EDIL3: variants seen among roughly 807,000 people sequenced by gnomAD.
The protein encoded by EDIL3 is EGF like and discoidin domains 3.
A neutral mutation model predicts 67.4 loss-of-function variants in EDIL3; 37 were observed. The ratio of observed to expected loss-of-function variants is 0.55; its 90% confidence interval spans 0.42 to 0.72. The LOEUF is 0.72. Ranked by LOEUF, EDIL3 falls within the 30% of genes least tolerant of loss-of-function variation. The probability of loss-of-function intolerance (pLI) is 0.00; values close to 1 mark genes in which losing one functional copy is unlikely to be tolerated. For synonymous variants in EDIL3, 195 were observed against 196.3 expected (o/e 0.99, Z 0.05); for missense variants, 527 against 586.3 (o/e 0.90, Z 1.04).
intron 1 of EDIL3, among the ~76,000 whole-genome samples, chr5:84,291,540 G>A (rs574472182): frequency 2.7e-4 from 41 of 151,544 alleles, no homozygotes; most frequent in African/African-American, 9.2e-4. Flanking sequence ...ATAACAAACC[G>A]AATAGAATTT....
At chr5:84,162,628 A>T (rs1748633307) in intron 4 of EDIL3, among the ~76,000 whole-genome samples, 1 of 151,852 alleles carries the variant, frequency 6.6e-6, no homozygotes, top group Non-Finnish European at 1.5e-5. Flanking sequence ...TGTGCCCTGG[A>T]TCCCCTTGGA....
At chr5:84,331,726 A>G (rs1283467762) in intron 1 of EDIL3, among the ~76,000 whole-genome samples, 1 of 152,178 alleles carries the variant, frequency 6.6e-6, no homozygotes, top group Non-Finnish European at 1.5e-5. Flanking sequence ...TTATATGAAT[A>G]TTTAAATGTT....
intron 1 of EDIL3, among the ~76,000 whole-genome samples, chr5:84,381,971 G>C (rs552169562): frequency 1.3e-5 from 2 of 152,266 alleles, no homozygotes; most frequent in South Asian, 4.1e-4. Flanking sequence ...TAATGATTGG[G>C]GGCGGGAAGG....
intron 1 of EDIL3, among the ~76,000 whole-genome samples, chr5:84,373,319 A>C (rs554626152): frequency 6.6e-6 from 1 of 152,184 alleles, no homozygotes; most frequent in East Asian, 1.9e-4. Flanking sequence ...TCTTCCAATC[A>C]TCATGTCTTC....
intron 6 of EDIL3, among the ~76,000 whole-genome samples, chr5:84,081,438 T>A (rs1746965856): frequency 6.6e-6 from 1 of 152,320 alleles, no homozygotes; most frequent in African/African-American, 2.4e-5. Context: ...GCAAACGATG[T>A]CAGCACATGA....
At chr5:84,268,845 C>T (rs1039485368) in intron 1 of EDIL3, among the ~76,000 whole-genome samples, 2 of 152,072 alleles carry the variant, frequency 1.3e-5, no homozygotes, top group African/African-American at 4.8e-5. Context: ...TCAGATAATG[C>T]AGTAATAGGG....
intron 9 of EDIL3, among the ~76,000 whole-genome samples, chr5:83,973,019 T>C (rs1188510183): frequency 6.6e-6 from 1 of 152,024 alleles, no homozygotes; most frequent in Non-Finnish European, 1.5e-5. Flanking sequence ...TAAAGCATAT[T>C]TGAAGAAAAA....
intron 9 of EDIL3, among the ~76,000 whole-genome samples, chr5:84,025,539 T>G (rs1745795832): frequency 6.6e-6 from 1 of 152,112 alleles, no homozygotes; most frequent in Admixed American, 6.6e-5. Flanking sequence ...TAGTGCAAAA[T>G]AAATGTAATG....
intron 9 of EDIL3, among the ~76,000 whole-genome samples, chr5:83,973,819 T>C (rs971250199): frequency 6.6e-6 from 1 of 152,030 alleles, no homozygotes; most frequent in Non-Finnish European, 1.5e-5. Flanking sequence ...GGTGCAAAAG[T>C]AATTGTGGTT....
rs558494314 is a variant in EDIL3 at position 84,074,041 on chromosome 5, C to T, written c.652-7435G>A. ...CAGAACAGAGCCCTCAGAAATAATG[C>T]CGCATATCTACAACTATCTGATCTT... On this transcript the variant is annotated intron_variant, in intron 6 of 10. Transcript: ENST00000296591. Among the ~76,000 whole-genome samples the T allele has an allele frequency of 5.2e-3, 790 of 152,004 alleles. 5 individuals are homozygous for T. Among genetic ancestry groups the T allele is most frequent in the African/African-American group, 0.018 (737 of 41,422 alleles).
intron 3 of EDIL3, among the ~76,000 whole-genome samples, chr5:84,192,574 T>C (rs969430929): frequency 6.6e-6 from 1 of 152,006 alleles, no homozygotes; most frequent in Admixed American, 6.6e-5. Flanking sequence ...TTTTATTCCC[T>C]TCACAAGTTT....
chr5:84,212,243 T>C (rs1051164371), intron 3 of EDIL3, among the ~76,000 whole-genome samples: 8 of 152,032 alleles, frequency 5.3e-5, no homozygotes, highest in African/African-American at 1.9e-4. Flanking sequence ...AGATGGGCCC[T>C]AAATCCCATA....
At chr5:84,008,773 G>A (rs1375488671) in intron 9 of EDIL3, among the ~76,000 whole-genome samples, 3 of 152,014 alleles carry the variant, frequency 2.0e-5, no homozygotes, top group South Asian at 2.1e-4. Context: ...GCTAATGAAC[G>A]AGAGAGGGAA....
intron 1 of EDIL3, among the ~76,000 whole-genome samples, chr5:84,329,612 A>T (rs1241180336): frequency 6.6e-6 from 1 of 152,026 alleles, no homozygotes; most frequent in African/African-American, 2.4e-5. Context: ...ACTGTGTTTG[A>T]TATTTCGTTG....
chr5:84,211,751 A>C (rs558423173), intron 3 of EDIL3, among the ~76,000 whole-genome samples: 13 of 152,272 alleles, frequency 8.5e-5, no homozygotes, highest in Non-Finnish European at 1.6e-4. Flanking sequence ...TTATGCCTTG[A>C]CTTCAGACTT....
Position 84,064,790 on chromosome 5 carries a change from G to A in EDIL3, c.862C>T (p.Pro288Ser), listed in dbSNP as rs752691336. The change falls in exon 8 of 11, where the codon CCC becomes TCC. Residue 288 changes from proline (P) to serine (S), a missense_variant. Pro to Ser is a moderately conservative substitution (Grantham distance 74). This residue lies in a region of EDIL3 where 494 missense variants were observed against 522.5 expected (regional missense o/e 0.95). Transcript: ENST00000296591. ...NTPYANSFTP[P>S]IKAQYVRLYP... ...AGTCTTACATACTGAGCTTTTATGGGGGGTGTGAAAGAGTTAGCATATGGA... is the reference window on the plus strand; with the variant it reads ...AGTCTTACATACTGAGCTTTTATGGAGGGTGTGAAAGAGTTAGCATATGGA... 3.7e-6 allele frequency: 6 copies of A among 1,613,580 alleles called. No homozygotes were observed. The highest frequency in any genetic ancestry group is 1.7e-5 in the Admixed American group (1 of 59,980).
chr5:84,366,219 C>T (rs1747730598), intron 1 of EDIL3, among the ~76,000 whole-genome samples: 1 of 152,158 alleles, frequency 6.6e-6, no homozygotes, highest in Non-Finnish European at 1.5e-5. Flanking sequence ...TGCTACAGCA[C>T]TGGAGATACT....
chr5:84,139,530 G>A (rs185526145), intron 4 of EDIL3, among the ~76,000 whole-genome samples: 52 of 151,974 alleles, frequency 3.4e-4, no homozygotes, highest in African/African-American at 1.2e-3. Flanking sequence ...ACTTATTGTT[G>A]CCAACTCAAT....
At chr5:84,145,526 T>C in intron 4 of EDIL3, among the ~76,000 whole-genome samples, 1 of 152,054 alleles carries the variant, frequency 6.6e-6, no homozygotes, top group East Asian at 1.9e-4. Flanking sequence ...ATTGAATAGA[T>C]CTGCATTTTA....
Sources: allele counts gnomAD v4.1 joint callset (sites outside exome capture counted in the v4.1 genomes callset), GRCh38; gene constraint gnomAD v4.1.1; regional missense constraint gnomAD v4.1.1; transcripts MANE v1.5; gene names NCBI Gene and HGNC (gene_info 2026-07-23, HGNC 2026-07-21).